DISC1: variants seen among roughly 807,000 people sequenced by gnomAD.
DISC1 encodes disrupted in schizophrenia 1 protein.
DISC1 carries 57 observed loss-of-function variants against 84.5 expected under a neutral mutation model. That is an observed-to-expected ratio of 0.67 (90% CI 0.55 to 0.84). DISC1 has a LOEUF of 0.84. DISC1 is among the 40% of genes least tolerant of loss of function. The pLI, the probability that DISC1 is intolerant of heterozygous loss-of-function variation, is 0.00. For missense variants in DISC1, 1,000 were observed against 1,057.8 expected, an observed-to-expected ratio of 0.95 and a Z score of 0.76; for synonymous variants, 411 against 415.2, an observed-to-expected ratio of 0.99 and a Z score of 0.12.
chr1:231,840,417 A>G (rs1036917395), intron 9 of DISC1, among the ~76,000 whole-genome samples: 4 of 152,222 alleles, frequency 2.6e-5, no homozygotes, highest in Non-Finnish European at 4.4e-5. Flanking sequence ...TCCTTCACTG[A>G]GTGGATAGAA....
At chr1:232,010,299 G>A (rs906022744) in intron 11 of DISC1, among the ~76,000 whole-genome samples, 2 of 152,218 alleles carry the variant, frequency 1.3e-5, no homozygotes, top group Non-Finnish European at 2.9e-5. Flanking sequence ...TGGATGGCTT[G>A]AAAGAATATT....
chr1:231,925,516 T>C (rs6695394), intron 9 of DISC1, among the ~76,000 whole-genome samples: 139,488 of 152,190 alleles, frequency 0.92, 64,113 homozygotes, highest in East Asian at 0.95. Flanking sequence ...TCCCCTCCAC[T>C]GGTGACAACA....
chr1:231,685,755 A>C (rs2064194173), intron 1 of DISC1, among the ~76,000 whole-genome samples: 2 of 152,140 alleles, frequency 1.3e-5, no homozygotes, highest in African/African-American at 2.4e-5. Context: ...CCGGACTGGC[A>C]AAAGGCACTT....
At chr1:231,913,293 A>G (rs2089392323) in intron 9 of DISC1, among the ~76,000 whole-genome samples, 1 of 152,150 alleles carries the variant, frequency 6.6e-6, no homozygotes, top group African/African-American at 2.4e-5. Flanking sequence ...ATTTCTTGAT[A>G]AGGCTGTCAT....
Position 231,818,737 on chromosome 1 carries a change from T to C in DISC1, c.1981+220T>C, listed in dbSNP as rs999197693. 6.4e-6 allele frequency: 9 copies of C among 1,398,984 alleles called. No homozygotes were observed. The Admixed American group carries it at 2.7e-4, about 43-fold the overall frequency. 86.7% of individuals were successfully genotyped at this position (1,398,984 alleles called of 1,614,324 possible). A position where few individuals can be genotyped will look rare whatever the true frequency, so the allele number is the denominator to read the frequency against. On this transcript the variant is annotated intron_variant, in intron 9 of 12. Coordinates refer to ENST00000439617, the MANE Select transcript of DISC1 (RefSeq NM_018662.3). Reference sequence around the variant, plus strand: ...ATATTCACATGTGACATCTTTTCTTTTTCTGTTCCCTGTCTCAACCTGTGT... The same window carrying C: ...ATATTCACATGTGACATCTTTTCTTCTTCTGTTCCCTGTCTCAACCTGTGT...
chr1:231,845,397 C>T (rs1217950187), intron 9 of DISC1, among the ~76,000 whole-genome samples: 3 of 151,914 alleles, frequency 2.0e-5, no homozygotes, highest in Non-Finnish European at 4.4e-5. Context: ...GGAGGAAGGC[C>T]GGCGGGGGGA....
chr1:231,640,849 TG>T (rs2059585936), intron 1 of DISC1, among the ~76,000 whole-genome samples: 1 of 152,212 alleles, frequency 6.6e-6, no homozygotes. Context: ...CCCTGGTTTT[TG>T]ATCCTTGGTC....
chr1:231,713,736 CATATATATAGGAGATAT>C (rs2068222545), intron 3 of DISC1, among the ~76,000 whole-genome samples: 1 of 114,258 alleles, frequency 8.8e-6, no homozygotes, highest in Non-Finnish European at 1.7e-5. Context: ...GAGATATATA[CATATATATAGGAGATAT>C]ATATATAGGA....
chr1:231,860,479 A>C (rs2084565084), intron 9 of DISC1, among the ~76,000 whole-genome samples: 1 of 152,210 alleles, frequency 6.6e-6, no homozygotes, highest in African/African-American at 2.4e-5. Context: ...GAAGTATTTC[A>C]AATTTCAGAT....
intron 1 of DISC1, among the ~76,000 whole-genome samples, chr1:231,666,384 A>G (rs866680503): frequency 1.3e-4 from 19 of 151,596 alleles, no homozygotes; most frequent in African/African-American, 4.6e-4. Context: ...GATAATAAGG[A>G]GAGACAGATG....
intron 3 of DISC1, among the ~76,000 whole-genome samples, chr1:231,725,133 C>G (rs146120395): frequency 2.6e-5 from 4 of 152,112 alleles, no homozygotes; most frequent in Non-Finnish European, 5.9e-5. Flanking sequence ...GTGCAGCAAC[C>G]ACAGTGACGT....
chr1:231,858,535 G>A (rs201756084), intron 9 of DISC1, among the ~76,000 whole-genome samples: 3 of 152,074 alleles, frequency 2.0e-5, no homozygotes, highest in Non-Finnish European at 2.9e-5. Flanking sequence ...GGTCTGTGTC[G>A]CATGCTGTCT....
In DISC1 at chr1:231,749,541, G is replaced by T. The variant is rs183326418; in HGVS notation, c.1118-385G>T. Among the ~76,000 whole-genome samples, 576 of 152,002 alleles carry T rather than the reference G, an allele frequency of 3.8e-3. 5 individuals carry two copies. Among genetic ancestry groups the T allele is most frequent in the African/African-American group, 0.013 (547 of 41,458 alleles). On this transcript the variant is annotated intron_variant, in intron 3 of 12. Coordinates refer to ENST00000439617, the MANE Select transcript of DISC1 (RefSeq NM_018662.3). ...TGAGGAAATGTTAAAATCAAAACTT[G>T]GGCACTGATTTTTTTTAAAAAAGGA...
intron 12 of DISC1, among the ~76,000 whole-genome samples, chr1:232,027,789 T>C (rs1255595040): frequency 7.2e-6 from 1 of 138,968 alleles, no homozygotes; most frequent in African/African-American, 2.9e-5. Flanking sequence ...CCATACTTTA[T>C]GGGCTGTGTG....
At chr1:231,952,109 A>AG (rs1028767567) in intron 9 of DISC1, among the ~76,000 whole-genome samples, 3 of 150,116 alleles carry the variant, frequency 2.0e-5, no homozygotes, top group East Asian at 3.9e-4. Flanking sequence ...AAAAAAAAAA[A>AG]AAAAGAAAAG....
intron 9 of DISC1, among the ~76,000 whole-genome samples, chr1:231,842,726 G>A (rs1233196533): frequency 6.6e-6 from 1 of 152,146 alleles, no homozygotes; most frequent in Non-Finnish European, 1.5e-5. Context: ...TTTCACTTCT[G>A]TGAGCCTCAC....
chr1:232,040,033 AG>A lies in DISC1; in HGVS notation c.*3203del, dbSNP rs36040103. ...AGATGGAGTCTCTCTCTGTCACCCA[AG>A]TTGGAGTGCAGTGGCCCCGCAATCT... On this transcript the variant is annotated 3_prime_UTR_variant, in exon 13 of 13. Transcript: ENST00000439617. 0.033 allele frequency: 5,025 copies of A among 152,020 alleles called. 152 individuals are homozygous for A. Among genetic ancestry groups the A allele is most frequent in the East Asian group, 0.16 (805 of 5,126 alleles). The allele number at this position is 152,020 out of a possible 1,614,324, so 9.4% of individuals were successfully genotyped here.
intron 10 of DISC1, among the ~76,000 whole-genome samples, chr1:231,981,526 C>T (rs1663608502): frequency 6.6e-6 from 1 of 152,282 alleles, no homozygotes; most frequent in East Asian, 1.9e-4. Context: ...CCTGCTTGTT[C>T]AGCATTCTAC....
intron 11 of DISC1, among the ~76,000 whole-genome samples, chr1:232,021,451 A>T (rs1360875733): frequency 6.6e-6 from 1 of 152,108 alleles, no homozygotes; most frequent in East Asian, 1.9e-4. Flanking sequence ...ATTACTGACC[A>T]GTGGCAGTGG....
Sources: gnomAD v4.1 joint callset for allele counts (sites outside exome capture counted in the v4.1 genomes callset) on GRCh38, gnomAD v4.1.1 for gene constraint, MANE v1.5 for transcripts, NCBI Gene and HGNC (gene_info 2026-07-23, HGNC 2026-07-21) for gene names.